Variants in HOMER1 observed in about 807,000 individuals in gnomAD.
HOMER1 encodes the protein homer protein homolog 1.
HOMER1 carries 3 observed loss-of-function variants against 48.9 expected under a neutral mutation model. The ratio of observed to expected loss-of-function variants is 0.06; its 90% confidence interval spans 0.03 to 0.16. The LOEUF (loss-of-function observed/expected upper bound fraction) is 0.16, where lower values mean the gene tolerates loss of function less well. Among genes scored for constraint, HOMER1 ranks in the 10% least tolerant of loss-of-function variants. The pLI, the probability that HOMER1 is intolerant of heterozygous loss-of-function variation, is 1.00. For missense variants in HOMER1, 247 were observed against 411.4 expected (o/e 0.60, Z 3.46); for synonymous variants, 134 against 146.4 (o/e 0.92, Z 0.61).
At chr5:79,480,933 T>C (rs936785828) in intron 1 of HOMER1, among the ~76,000 whole-genome samples, 4 of 152,166 alleles carry the variant, frequency 2.6e-5, no homozygotes, top group African/African-American at 9.7e-5. Context: ...TGATGTGTCA[T>C]GAAAGAATGA....
In HOMER1 at chr5:79,375,713, GA is replaced by G; in HGVS notation, c.*295del. The G allele has an allele frequency of 4.5e-6, 1 of 222,388 alleles. No individual in the cohort carries two copies. The allele number at this position is 222,388 out of a possible 1,614,324, so 13.8% of individuals were successfully genotyped here. On this transcript the variant is annotated 3_prime_UTR_variant, in exon 9 of 9. Transcript: ENST00000334082. ...TAATTCTCCCATTGGCTAATATCAG[GA>G]AAAAAGATTGCATTAAGTGTCTATT...
chr5:79,443,523 C>A (rs553560358), intron 4 of HOMER1, among the ~76,000 whole-genome samples: 100 of 152,198 alleles, frequency 6.6e-4, no homozygotes, highest in Admixed American at 3.1e-3. Flanking sequence ...TATAAATATA[C>A]AATTAAGGCA....
Position 79,375,965 on chromosome 5 carries a change from G to T in HOMER1, c.*44C>A. The T allele has an allele frequency of 8.1e-7, 1 of 1,227,678 alleles. No homozygotes were observed. The highest frequency in any genetic ancestry group is 1.4e-5 in the South Asian group (1 of 71,292). 76.0% of individuals were successfully genotyped at this position (1,227,678 alleles called of 1,614,324 possible). A position where few individuals can be genotyped will look rare whatever the true frequency, so the allele number is the denominator to read the frequency against. ...GAGCCTAAACAGTCCTATGAAGAGA[G>T]ACAGTGTATCTTTTAATTAATTGGC... On this transcript the variant is annotated 3_prime_UTR_variant, in exon 9 of 9. Transcript: ENST00000334082.
At chr5:79,382,496 T>TCC (rs1209439632) in intron 8 of HOMER1, among the ~76,000 whole-genome samples, 20 of 152,152 alleles carry the variant, frequency 1.3e-4, no homozygotes, top group African/African-American at 4.6e-4. Context: ...TGGGGTGATA[T>TCC]ATTCATAGTG....
chr5:79,386,791 C>G (rs1749121170), intron 8 of HOMER1, among the ~76,000 whole-genome samples: 2 of 152,036 alleles, frequency 1.3e-5, no homozygotes, highest in Admixed American at 1.3e-4. Context: ...AGTATAAAAT[C>G]CTACTGGGCA....
intron 1 of HOMER1, among the ~76,000 whole-genome samples, chr5:79,474,522 C>T (rs1475102481): frequency 6.6e-6 from 1 of 152,054 alleles, no homozygotes; most frequent in African/African-American, 2.4e-5. Flanking sequence ...ATCATCAACC[C>T]ACTCAGTATC....
chr5:79,408,655 T>C (rs191371248), intron 5 of HOMER1, among the ~76,000 whole-genome samples: 5 of 152,154 alleles, frequency 3.3e-5, no homozygotes, highest in African/African-American at 1.2e-4. Flanking sequence ...ACTATAAAAC[T>C]TGAAAAAATT....
At chr5:79,398,402 T>C (rs1018068161) in intron 6 of HOMER1, among the ~76,000 whole-genome samples, 1 of 152,034 alleles carries the variant, frequency 6.6e-6, no homozygotes, top group Non-Finnish European at 1.5e-5. Flanking sequence ...TACTAGAAGA[T>C]AGTAAATTCT....
intron 5 of HOMER1, among the ~76,000 whole-genome samples, chr5:79,421,403 C>A (rs1750095251): frequency 6.6e-6 from 1 of 152,164 alleles, no homozygotes. Context: ...AACATGCAGA[C>A]TGGATTCTTA....
At chr5:79,477,802 T>C (rs2112336144) in intron 1 of HOMER1, among the ~76,000 whole-genome samples, 1 of 152,176 alleles carries the variant, frequency 6.6e-6, no homozygotes, top group East Asian at 1.9e-4. Flanking sequence ...AGGTCCATGA[T>C]AAATTCTAAA....
intron 1 of HOMER1, among the ~76,000 whole-genome samples, chr5:79,480,010 T>C (rs1196192664): frequency 6.6e-6 from 1 of 152,192 alleles, no homozygotes; most frequent in East Asian, 1.9e-4. Flanking sequence ...TGGGACAAGT[T>C]ATAGCAATTG....
chr5:79,441,600 A>C (rs1370958637), intron 4 of HOMER1, among the ~76,000 whole-genome samples: 1 of 152,198 alleles, frequency 6.6e-6, no homozygotes, highest in South Asian at 2.1e-4. Context: ...TACCTAAAGT[A>C]AAAAACAAAA....
chr5:79,392,318 T>G (rs936392884), intron 8 of HOMER1, among the ~76,000 whole-genome samples: 1 of 152,204 alleles, frequency 6.6e-6, no homozygotes, highest in Non-Finnish European at 1.5e-5. Flanking sequence ...TTATTGCCCT[T>G]GAAGACCTTC....
intron 1 of HOMER1, among the ~76,000 whole-genome samples, chr5:79,491,786 T>G (rs767482235): frequency 3.9e-5 from 6 of 152,238 alleles, no homozygotes; most frequent in Non-Finnish European, 7.3e-5. Context: ...GAAGCTACTA[T>G]GTGAAATAAA....
rs1162775227 is a variant in HOMER1 at position 79,379,113 on chromosome 5, TAAA to T, written c.877-2919_877-2917del. 5.2e-3 allele frequency among the ~76,000 whole-genome samples: 453 copies of T among 87,278 alleles called. 19 individuals are homozygous for T. The highest frequency in any genetic ancestry group is 0.017 in the African/African-American group (341 of 20,306). The allele number at this position is 87,278 out of a possible 152,430, so 57.3% of individuals were successfully genotyped here. ...ATATATATATATATATATATATATATAAAATATATAAATATTTATTTATATATA... is the reference window on the plus strand; with the variant it reads ...ATATATATATATATATATATATATATATATATAAATATTTATTTATATATA... On this transcript the variant is annotated intron_variant, in intron 8 of 8. Transcript: ENST00000334082.
At chr5:79,447,439 T>C (rs1409570131) in intron 3 of HOMER1, among the ~76,000 whole-genome samples, 2 of 152,162 alleles carry the variant, frequency 1.3e-5, no homozygotes, top group Non-Finnish European at 2.9e-5. Context: ...TCAGAAATAA[T>C]TTACTGAGAC....
chr5:79,395,007 C>T (rs953196193), intron 8 of HOMER1, among the ~76,000 whole-genome samples: 3 of 152,122 alleles, frequency 2.0e-5, no homozygotes, highest in Admixed American at 6.6e-5. Flanking sequence ...GATGACTTGA[C>T]TGTTTGTTGC....
chr5:79,397,004 G>T (rs1167837947), intron 7 of HOMER1, 101 bp from the exon 8 acceptor site: 14 of 641,696 alleles, frequency 2.2e-5, no homozygotes, highest in Non-Finnish European at 3.4e-5. Context: ...AGAAAAAGAT[G>T]ATTTTAAAAA....
intron 4 of HOMER1, among the ~76,000 whole-genome samples, chr5:79,442,410 A>G (rs905463897): frequency 6.6e-6 from 1 of 152,232 alleles, no homozygotes; most frequent in Admixed American, 6.5e-5. Flanking sequence ...AAGCCAAAAA[A>G]TGAGAAATAT....
Sources: allele counts gnomAD v4.1 joint callset (sites outside exome capture counted in the v4.1 genomes callset), GRCh38; gene constraint gnomAD v4.1.1; transcripts MANE v1.5; gene names NCBI Gene and HGNC (gene_info 2026-07-23, HGNC 2026-07-21).